Variants in COPG2 observed in about 807,000 individuals in gnomAD.
The protein encoded by COPG2 is coatomer subunit gamma-2.
Under a neutral mutation model 46.3 loss-of-function variants are expected in COPG2, and 37 were observed. The observed-to-expected ratio is 0.80, with a 90% CI of 0.61 to 1.05. COPG2 has a LOEUF of 1.05. Ranked by LOEUF, COPG2 falls within the 50% of genes least tolerant of loss-of-function variation. COPG2 has a pLI of 0.00. For synonymous variants in COPG2, 159 were observed against 129.7 expected (o/e 1.23, Z -1.53); for missense variants, 427 against 387.8 (o/e 1.10, Z -0.85).
chr7:130,658,077 C>T (rs1795892912), intron 4 of COPG2, among the ~76,000 whole-genome samples: 1 of 152,076 alleles, frequency 6.6e-6, no homozygotes, highest in Non-Finnish European at 1.5e-5. Context: ...GTATGTTCAT[C>T]CAAAAATCAA....
chr7:130,566,694 G>C (rs964468912), intron 9 of COPG2, among the ~76,000 whole-genome samples: 2 of 152,110 alleles, frequency 1.3e-5, no homozygotes, highest in African/African-American at 4.8e-5. Context: ...CTTGCTGCCC[G>C]GGAGGATGTT....
At chr7:130,640,671 A>C (rs571389656) in intron 5 of COPG2, among the ~76,000 whole-genome samples, 1 of 152,324 alleles carries the variant, frequency 6.6e-6, no homozygotes, top group East Asian at 1.9e-4. Context: ...ATAAATCAGG[A>C]AAGTTGGCTT....
At chr7:130,510,858 T>C (rs1799583355) in intron 20 of COPG2, 1 of 513,174 alleles carries the variant, frequency 1.9e-6, no homozygotes, top group Non-Finnish European at 3.9e-6. Flanking sequence ...GCGGGGGCCT[T>C]TCCATGGCAA....
chr7:130,545,479 A>G lies in COPG2; in HGVS notation c.2149+2195T>C, dbSNP rs1012160499. Among the ~76,000 whole-genome samples the G allele has an allele frequency of 5.0e-4, 76 of 152,298 alleles. 1 individual carries two copies. The East Asian group carries it at 0.014, about 27-fold the overall frequency. ...TGGAATATCTGTGATGGGAAAATGCAAAAAGGAAGGAATGGGTGAAAGATA... is the reference window on the plus strand; with the variant it reads ...TGGAATATCTGTGATGGGAAAATGCGAAAAGGAAGGAATGGGTGAAAGATA... On this transcript the variant is annotated intron_variant, in intron 20 of 23. Transcript: ENST00000425248.
Position 130,613,574 on chromosome 7 carries a change from A to G in COPG2, c.462T>C (p.Ser154=). ...AAGATACCAGTGCTGAACTGGATAC[A>G]CTGGAAACTTTATCCACAATGGCCT... is the stretch of plus-strand genomic sequence containing the variant. ...MKQAIVDKVS[S]VSSSALVSSL... The change falls in exon 7 of 24, where the codon AGT becomes AGC. Residue 154 remains serine, a synonymous_variant. Transcript: ENST00000425248. The G allele has an allele frequency of 1.2e-6, 2 of 1,600,486 alleles. No homozygotes were observed. The highest frequency in any genetic ancestry group is 1.7e-6 in the Non-Finnish European group (2 of 1,172,418).
chr7:130,524,855 G>A (rs1799759085), intron 20 of COPG2, among the ~76,000 whole-genome samples: 2 of 152,166 alleles, frequency 1.3e-5, no homozygotes, highest in South Asian at 4.1e-4. Flanking sequence ...GTTCGACAGA[G>A]GAAAGGACTG....
At chr7:130,628,086 CTGGAT>C (rs1218018379) in intron 5 of COPG2, among the ~76,000 whole-genome samples, 1 of 152,114 alleles carries the variant, frequency 6.6e-6, no homozygotes, top group Non-Finnish European at 1.5e-5. Flanking sequence ...CTGATTATGA[CTGGAT>C]TGAAATCTGT....
At chr7:130,628,618 C>T (rs534322251) in intron 5 of COPG2, among the ~76,000 whole-genome samples, 1 of 152,330 alleles carries the variant, frequency 6.6e-6, no homozygotes, top group East Asian at 1.9e-4. Flanking sequence ...TTTGCCCTGG[C>T]TTGTTTCCAG....
chr7:130,627,295 G>A (rs1795136380), intron 5 of COPG2, among the ~76,000 whole-genome samples: 1 of 152,178 alleles, frequency 6.6e-6, no homozygotes, highest in Non-Finnish European at 1.5e-5. Context: ...CTGTAAGTCG[G>A]CCTTTCTTCA....
intron 5 of COPG2, among the ~76,000 whole-genome samples, chr7:130,622,409 A>C (rs1179475263): frequency 1.3e-5 from 2 of 152,188 alleles, no homozygotes; most frequent in African/African-American, 4.8e-5. Context: ...CTGAGCCCCA[A>C]AAGACTTGCT....
intron 10 of COPG2, among the ~76,000 whole-genome samples, chr7:130,563,755 C>CAAAAAAAAAAA (rs1239944614): frequency 5.6e-5 from 5 of 89,006 alleles, no homozygotes; most frequent in African/African-American, 1.3e-4. Flanking sequence ...GACTCCGTCT[C>CAAAAAAAAAAA]AAAAAAAAAA....
intron 22 of COPG2, 132 bp downstream of exon 22, chr7:130,507,553 G>A (rs895246148): frequency 1.4e-5 from 9 of 656,402 alleles, no homozygotes; most frequent in African/African-American, 9.1e-5. Context: ...GATGAAGACA[G>A]GGTGCTGGCC....
intron 5 of COPG2, among the ~76,000 whole-genome samples, chr7:130,621,943 CAAAAAAAAAAA>C (rs562107230): frequency 0.02 from 1,364 of 67,586 alleles, 31 homozygotes; most frequent in African/African-American, 0.062. Flanking sequence ...GACTCCATCT[CAAAAAAAAAAA>C]AAAAAAAAAA....
At position 130,629,273 on chromosome 7, in the gene COPG2, GGT is replaced by G. The variant is rs565923267; in HGVS notation, c.324-12210_324-12209del. Among the ~76,000 whole-genome samples, 39 of 151,906 alleles carry G rather than the reference GGT, an allele frequency of 2.6e-4. No individual in the cohort carries two copies. In the South Asian group the frequency reaches 7.9e-3, roughly 31 times the overall value. Reference sequence around the variant, plus strand: ...AGAGGTATGTGTATGTGTCCCATGTGGTGTTCTTTGAGCTTTCTGGACATGCA... The same window carrying G: ...AGAGGTATGTGTATGTGTCCCATGTGGTTCTTTGAGCTTTCTGGACATGCA... On this transcript the variant is annotated intron_variant, in intron 5 of 23. Coordinates refer to ENST00000425248, the MANE Select transcript of COPG2 (RefSeq NM_012133.6).
At chr7:130,605,886 C>T (rs1462060155) in intron 9 of COPG2, 3 of 403,764 alleles carry the variant, frequency 7.4e-6, no homozygotes, top group African/African-American at 6.3e-5. Flanking sequence ...TTTGTTATGG[C>T]AACAATAAAA....
intron 6 of COPG2, among the ~76,000 whole-genome samples, chr7:130,615,202 G>T (rs544380451): frequency 1.1e-4 from 17 of 152,322 alleles, no homozygotes; most frequent in African/African-American, 3.8e-4. Context: ...CAAACTCATA[G>T]GAAGTTATGT....
chr7:130,546,228 A>G (rs1239995201), intron 20 of COPG2, among the ~76,000 whole-genome samples: 1 of 152,228 alleles, frequency 6.6e-6, no homozygotes, highest in African/African-American at 2.4e-5. Context: ...TCTCCAGACA[A>G]TGGTAGAAAC....
Position 130,621,724 on chromosome 7 carries a change from A to C in COPG2, c.324-4659T>G, listed in dbSNP as rs372491639. On this transcript the variant is annotated intron_variant, in intron 5 of 23. Coordinates refer to ENST00000425248, the MANE Select transcript of COPG2 (RefSeq NM_012133.6). ...CTTTGGGAGGCCGAAGCGGGTGAATAACAAGGTCAGGAGTTCGCGACCAGC... is the reference window on the plus strand; with the variant it reads ...CTTTGGGAGGCCGAAGCGGGTGAATCACAAGGTCAGGAGTTCGCGACCAGC... Among the ~76,000 whole-genome samples, 309 of 151,946 alleles carry C rather than the reference A, an allele frequency of 2.0e-3. 2 individuals carry two copies. Among genetic ancestry groups the C allele is most frequent in the African/African-American group, 6.8e-3 (280 of 41,454 alleles).
intron 9 of COPG2, chr7:130,604,871 G>T: frequency 2.5e-6 from 1 of 398,770 alleles, no homozygotes; most frequent in Non-Finnish European, 4.9e-6. Flanking sequence ...TTTCAATCAT[G>T]AATTGCCATT....
Sources: gnomAD v4.1 joint callset for allele counts (sites outside exome capture counted in the v4.1 genomes callset) on GRCh38, gnomAD v4.1.1 for gene constraint, MANE v1.5 for transcripts, NCBI Gene and HGNC (gene_info 2026-07-23, HGNC 2026-07-21) for gene names.